The following TTC24 variants were observed in gnomAD, a reference collection of about 807,000 sequenced individuals.
TTC24 encodes tetratricopeptide repeat domain 24.
TTC24 carries 54 observed loss-of-function variants against 63.3 expected under a neutral mutation model. That is an observed-to-expected ratio of 0.85 (90% CI 0.69 to 1.07). TTC24 has a LOEUF of 1.07. Ranked by LOEUF, TTC24 falls within the 50% of genes least tolerant of loss-of-function variation. TTC24 has a pLI of 0.00. For synonymous variants in TTC24, 276 were observed against 304.3 expected, an observed-to-expected ratio of 0.91 and a Z score of 0.97; for missense variants, 680 against 730.5, an observed-to-expected ratio of 0.93 and a Z score of 0.80.
rs1038703175 is a variant in TTC24, at chr1:156,585,570, C to G, written c.1457-143C>G. 9.0e-6 allele frequency: 6 copies of G among 666,292 alleles called. No homozygotes were observed. The African/African-American group carries it at 1.1e-4, about 12-fold the overall frequency. 41.3% of individuals were successfully genotyped at this position (666,292 alleles called of 1,614,324 possible). On this transcript the variant is annotated intron_variant, in intron 8 of 10. Transcript: ENST00000368236. ...CCCAGGGTTTTGCTGAAAGCCTACT[C>G]TGTGCCCAACACAGCGCTGGGTGCT...
At chr1:156,584,788 CTATCACATAAGTCTCTGGAG>C in intron 6 of TTC24, 69 bp from the exon 7 acceptor site, 1 of 827,514 alleles carries the variant, frequency 1.2e-6, no homozygotes, top group Non-Finnish European at 1.8e-6. Flanking sequence ...CGAATTGTCT[CTATCACATAAGTCTCTGGAG>C]GGAGCACACA....
chr1:156,582,589 G>A (rs1677031430), intron 3 of TTC24, among the ~76,000 whole-genome samples, 155 bp downstream of exon 3: 1 of 152,202 alleles, frequency 6.6e-6, no homozygotes, highest in African/African-American at 2.4e-5. Flanking sequence ...TGCAGGAGAT[G>A]GGACAGCCAG....
In TTC24 at chr1:156,584,954, C is replaced by T. The variant is rs1046598216; in HGVS notation, c.1329C>T (p.Ser443=). The change falls in exon 7 of 11, where the codon AGC becomes AGT. Residue 443 remains serine, a synonymous_variant. Coordinates refer to ENST00000368236, the MANE Select transcript of TTC24 (RefSeq NM_001105669.4). ...GGACCCCAGCAAAGGCAGGAAGCAG[C>T]ACAGCAGGTGTCCAGCACAGGTGAG... ...AEGTPAKAGS[S]TAGVQHRSSS... is the part of the protein sequence containing the mutation. The T allele has an allele frequency of 3.1e-6, 5 of 1,601,110 alleles. No homozygotes were observed. The highest frequency in any genetic ancestry group is 3.4e-6 in the Non-Finnish European group (4 of 1,173,934).
rs1329851318 is a variant in TTC24, at chr1:156,581,571, C to T, written c.207C>T (p.Ala69=). 1.3e-6 allele frequency: 2 copies of T among 1,551,610 alleles called. No individual in the cohort carries two copies. The highest frequency in any genetic ancestry group is 2.4e-5 in the South Asian group (2 of 84,066). ...FQRAFLLASK[A]PQTRDTPVLQ... is the part of the protein sequence containing the mutation. The stretch of plus-strand genomic sequence containing the variant: ...GGGCCTTCCTTCTGGCCTCCAAGGC[C>T]CCACAAACCAGGGATACCCCTGTGC... Residue 69 remains alanine (A), a synonymous_variant, in exon 2 of 11, where the codon GCC becomes GCT. Coordinates refer to ENST00000368236, the MANE Select transcript of TTC24 (RefSeq NM_001105669.4).
In TTC24 at chr1:156,581,935, C is replaced by T. The variant is rs377481309; in HGVS notation, c.571C>T (p.Arg191Trp). ...SQAYAQERQL[R>W]AAALALGAAA... ...GGCCTATGCTCAAGAGAGACAGCTG[C>T]GGGCCGCAGCCCTGGCACTGGGGGC... The change falls in exon 2 of 11, where the codon CGG (arginine) becomes TGG (tryptophan). Residue 191 changes from arginine (R) to tryptophan (W), a missense_variant. Transcript: ENST00000368236. The T allele has an allele frequency of 2.3e-5, 36 of 1,542,416 alleles. No homozygotes were observed. Among genetic ancestry groups the T allele is most frequent in the East Asian group, 9.8e-5 (4 of 40,852 alleles).
In TTC24 at chr1:156,583,372, TCTGGGGG is replaced by T. The variant is rs759138663; in HGVS notation, c.1078_1084del (p.Gly360LeufsTer12). The T allele has an allele frequency of 8.7e-6, 14 of 1,611,294 alleles. No homozygotes were observed. The African/African-American group carries it at 1.5e-4, about 17-fold the overall frequency. On this transcript the variant is annotated frameshift_variant, in exon 5 of 11. Transcript: ENST00000368236. LOFTEE classifies it high-confidence loss of function. The surrounding 1 kb of genome is among the most constrained non-coding windows in gnomAD (Gnocchi z 4.0). ...AGGGACAGTGGCAGGCCTGTGAGGG[TCTGGGGG>T]CTGCTGCAGCCAGGCTGGGGCAGTA...
At position 156,585,946 on chromosome 1, in the gene TTC24, T is replaced by G; in HGVS notation, c.1571-3T>G. ...ATGAATGTGTCTGTCCTTCTCCATC[T>G]AGGTCCAGGACCCAGGGCCCATCTT... On this transcript the variant is annotated splice_region_variant and splice_polypyrimidine_tract_variant and intron_variant, in intron 9 of 10. Coordinates refer to ENST00000368236, the MANE Select transcript of TTC24 (RefSeq NM_001105669.4). 2 of 1,603,584 alleles carry G rather than the reference T, an allele frequency of 1.2e-6. No homozygotes were observed. Among genetic ancestry groups the G allele is most frequent in the Non-Finnish European group, 1.7e-6 (2 of 1,174,356 alleles).
rs763090211 is a variant in TTC24 at position 156,582,428 on chromosome 1, C to A, written c.904C>A (p.Leu302Ile). The A allele has an allele frequency of 1.2e-6, 2 of 1,613,820 alleles. No individual in the cohort carries two copies. The highest frequency in any genetic ancestry group is 1.7e-6 in the Non-Finnish European group (2 of 1,179,800). Reference protein sequence around the residue: ...AREFHQKAADLHGSVGQRWEQ... With the variant: ...AREFHQKAADIHGSVGQRWEQ... ...GGAGTTTCACCAGAAGGCTGCTGAC[C>A]TACACGGTGGGTGCCTGGGGCCGGG... The change falls in exon 3 of 11, where the codon CTA becomes ATA. Residue 302 changes from leucine to isoleucine, a missense_variant. Coordinates refer to ENST00000368236, the MANE Select transcript of TTC24 (RefSeq NM_001105669.4).
Position 156,586,579 on chromosome 1 carries a change from C to T in TTC24, c.*29C>T. ...CCCCCTGCCAGCCTCAGCCCTCATC[C>T]CTGAAGCACCTGTCCAACACGCACA... On this transcript the variant is annotated 3_prime_UTR_variant, in exon 11 of 11. Coordinates refer to ENST00000368236, the MANE Select transcript of TTC24 (RefSeq NM_001105669.4). 6.3e-7 allele frequency: 1 copy of T among 1,592,462 alleles called. No homozygotes were observed. Among genetic ancestry groups the T allele is most frequent in the Non-Finnish European group, 8.6e-7 (1 of 1,163,830 alleles).
Position 156,583,736 on chromosome 1 carries a change from C to G in TTC24, c.1153-61C>G. 8.5e-7 allele frequency: 1 copy of G among 1,170,680 alleles called. No individual in the cohort carries two copies. The highest frequency in any genetic ancestry group is 1.2e-6 in the Non-Finnish European group (1 of 805,330). 72.5% of individuals were successfully genotyped at this position (1,170,680 alleles called of 1,614,324 possible). The stretch of plus-strand genomic sequence containing the variant: ...CCTTTCCTGTTTCCTTCTTCCCCAA[C>G]CCCCAGAGGACCATAAGGTCCAGGC... On this transcript the variant is annotated intron_variant, in intron 5 of 10. Transcript: ENST00000368236. This position sits in a 1 kb window ranked among gnomAD's most constrained non-coding sequence, Gnocchi z 4.0.
intron 1 of TTC24, among the ~76,000 whole-genome samples, chr1:156,581,143 G>A (rs1676979384): frequency 6.6e-6 from 1 of 152,214 alleles, no homozygotes. Flanking sequence ...TACTTGACTT[G>A]AGTCTTGAAG....
chr1:156,582,030 C>A lies in TTC24; in HGVS notation c.666C>A (p.Ser222Arg), dbSNP rs1677012727. The A allele has an allele frequency of 6.8e-7, 1 of 1,480,094 alleles. No homozygotes were observed. The highest frequency in any genetic ancestry group is 9.0e-7 in the Non-Finnish European group (1 of 1,116,396). 91.7% of individuals were successfully genotyped at this position (1,480,094 alleles called of 1,614,324 possible). ...VGEVVQVLEK[S>R]RRLAERSTER... ...AAGTTGTGCAGGTGCTGGAGAAAAG[C>A]CGGAGGCTTGCCGAGAGGAGCACTG... The change falls in exon 2 of 11, where the codon AGC becomes AGA. Residue 222 changes from serine to arginine, a missense_variant. Physicochemically the swap from Ser to Arg is moderately radical, Grantham distance 110. Transcript: ENST00000368236.
At chr1:156,580,634 C>T (rs957744727) in intron 1 of TTC24, among the ~76,000 whole-genome samples, 10 of 152,066 alleles carry the variant, frequency 6.6e-5, no homozygotes, top group South Asian at 4.1e-4. Context: ...CCCGCCACCA[C>T]GCCCGGCTAA....
chr1:156,585,687 T>G (rs1287304725), intron 8 of TTC24, 26 bp from the exon 9 acceptor site: 2 of 1,552,588 alleles, frequency 1.3e-6, no homozygotes, highest in Non-Finnish European at 1.8e-6. Flanking sequence ...TGAGCTGACC[T>G]GAATTTACCG....
rs1332397752 is a variant in TTC24, at chr1:156,586,649, C to G, written c.*99C>G. 1 of 1,096,898 alleles carries G rather than the reference C, an allele frequency of 9.1e-7. No homozygotes were observed. Among genetic ancestry groups the G allele is most frequent in the Non-Finnish European group, 1.3e-6 (1 of 742,454 alleles). The allele number at this position is 1,096,898 out of a possible 1,614,324, so 67.9% of individuals were successfully genotyped here. ...CCAAGCCTCTTCCCAGTTGCTCAGC[C>G]CTGCAGGGATGTGGAACACAGTGCA... On this transcript the variant is annotated 3_prime_UTR_variant, in exon 11 of 11. Transcript: ENST00000368236.
intron 7 of TTC24, 46 bp from the exon 8 acceptor site, chr1:156,585,079 C>G (rs773326432): frequency 1.0e-5 from 16 of 1,566,548 alleles, no homozygotes; most frequent in Non-Finnish European, 1.4e-5. Flanking sequence ...AAGGAGGGGA[C>G]TGGTGTCGCT....
chr1:156,583,647 G>A lies in TTC24; in HGVS notation c.1153-150G>A, dbSNP rs909665138. On this transcript the variant is annotated intron_variant, in intron 5 of 10. Transcript: ENST00000368236. This position sits in a 1 kb window ranked among gnomAD's most constrained non-coding sequence, Gnocchi z 4.0. The stretch of plus-strand genomic sequence containing the variant: ...CCACAATTCTGGGCAGGTGGTGGCA[G>A]GACCCTGGGAAAGGCATGGGGATGG... 17 of 900,870 alleles carry A rather than the reference G, an allele frequency of 1.9e-5. No individual in the cohort carries two copies. In the Admixed American group the frequency reaches 4.2e-4, roughly 22 times the overall value. The allele number at this position is 900,870 out of a possible 1,614,324, so 55.8% of individuals were successfully genotyped here. A position where few individuals can be genotyped will look rare whatever the true frequency, so the allele number is the denominator to read the frequency against.
At chr1:156,584,281 T>C (rs1039709945) in intron 6 of TTC24, among the ~76,000 whole-genome samples, 2 of 152,152 alleles carry the variant, frequency 1.3e-5, no homozygotes, top group Admixed American at 1.3e-4. Context: ...CATTTCTCTG[T>C]GGGTCTCCAC....
intron 1 of TTC24, among the ~76,000 whole-genome samples, chr1:156,580,997 T>C (rs1676975563): frequency 6.6e-6 from 1 of 152,114 alleles, no homozygotes; most frequent in Non-Finnish European, 1.5e-5. Flanking sequence ...CCAAATCTAG[T>C]AGTGGGGGGA....
Sources: allele counts gnomAD v4.1 joint callset (sites outside exome capture counted in the v4.1 genomes callset), GRCh38; gene constraint gnomAD v4.1.1; non-coding constraint Gnocchi (gnomAD v3.1); transcripts MANE v1.5; gene names NCBI Gene and HGNC (gene_info 2026-07-23, HGNC 2026-07-21).